Variants in ROBO2 observed in about 807,000 individuals in gnomAD.
ROBO2 encodes the protein roundabout guidance receptor 2.
In ROBO2, 53 loss-of-function variants were observed where a neutral mutation model predicts 160.8. That is an observed-to-expected ratio of 0.33 (90% confidence interval 0.26 to 0.41). The LOEUF (loss-of-function observed/expected upper bound fraction) is 0.41, where lower values mean the gene tolerates loss of function less well. Ranked by LOEUF, ROBO2 falls within the 10% of genes least tolerant of loss-of-function variation. The probability of loss-of-function intolerance (pLI) is 1.00; values close to 1 mark genes in which losing one functional copy is unlikely to be tolerated. For synonymous variants in ROBO2, 664 were observed against 611.7 expected (o/e 1.09, Z -1.26); for missense variants, 1,577 against 1,722.4 (o/e 0.92, Z 1.49).
At chr3:76,484,136 A>T (rs2079362786) in intron 2 of ROBO2, among the ~76,000 whole-genome samples, 1 of 152,144 alleles carries the variant, frequency 6.6e-6, no homozygotes, top group Non-Finnish European at 1.5e-5. Context: ...TTGAGGAATC[A>T]CCATTCTGCT....
intron 2 of ROBO2, among the ~76,000 whole-genome samples, chr3:76,537,147 T>C (rs1251136749): frequency 6.6e-6 from 1 of 151,336 alleles, no homozygotes; most frequent in African/African-American, 2.4e-5. Context: ...GACTCTGAGG[T>C]TGGGGTAGAG....
Position 77,059,798 on chromosome 3 carries a change from G to A in ROBO2, c.61+18952G>A, listed in dbSNP as rs192304402. Among the ~76,000 whole-genome samples the A allele has an allele frequency of 1.7e-3, 252 of 152,138 alleles. 1 individual carries two copies. The highest frequency in any genetic ancestry group is 3.4e-3 in the Middle Eastern group (1 of 294). On this transcript the variant is annotated intron_variant, in intron 1 of 25. Transcript: ENST00000461745. ...CTTTATCTCAGTGTAAAACTCATAC[G>A]TCATGACATCAGGCTCATTGAAGAA... is the stretch of plus-strand genomic sequence containing the variant.
At chr3:76,864,252 C>G (rs2148635807) in intron 2 of ROBO2, among the ~76,000 whole-genome samples, 1 of 152,126 alleles carries the variant, frequency 6.6e-6, no homozygotes, top group South Asian at 2.1e-4. Context: ...ATTGTTTTTA[C>G]ACAATTAAGA....
intron 2 of ROBO2, among the ~76,000 whole-genome samples, chr3:76,744,070 A>C (rs2093845501): frequency 6.6e-6 from 1 of 152,196 alleles, no homozygotes; most frequent in Non-Finnish European, 1.5e-5. Flanking sequence ...CAACATCAGC[A>C]GATTAGGGAG....
At chr3:76,321,171 AG>A (rs2107883614) in intron 2 of ROBO2, among the ~76,000 whole-genome samples, 1 of 152,304 alleles carries the variant, frequency 6.6e-6, no homozygotes, top group Non-Finnish European at 1.5e-5. Flanking sequence ...GCAATATAAA[AG>A]GAAAATATAT....
intron 1 of ROBO2, 32 bp downstream of exon 1, chr3:77,040,878 G>T: frequency 6.2e-7 from 1 of 1,610,880 alleles, no homozygotes; most frequent in Non-Finnish European, 8.5e-7. Flanking sequence ...CTTTTTTTGC[G>T]CCCCCCACCC....
At chr3:77,549,898 A>G (rs1177230575) in intron 7 of ROBO2, among the ~76,000 whole-genome samples, 1 of 151,984 alleles carries the variant, frequency 6.6e-6, no homozygotes, top group Non-Finnish European at 1.5e-5. Flanking sequence ...GAGGGTTAAA[A>G]TGTCCTTTTT....
chr3:76,673,833 T>C (rs1047320916), intron 2 of ROBO2, among the ~76,000 whole-genome samples: 2 of 152,164 alleles, frequency 1.3e-5, no homozygotes, highest in African/African-American at 4.8e-5. Context: ...TTCCTTTGGT[T>C]TAACTTAATT....
At chr3:76,116,966 C>A (rs1339859771) in intron 2 of ROBO2, among the ~76,000 whole-genome samples, 1 of 152,076 alleles carries the variant, frequency 6.6e-6, no homozygotes, top group East Asian at 1.9e-4. Context: ...TCCCAGTATT[C>A]AAAAAACTGA....
intron 2 of ROBO2, among the ~76,000 whole-genome samples, chr3:77,132,198 T>C (rs1296095443): frequency 6.6e-6 from 1 of 152,114 alleles, no homozygotes; most frequent in Admixed American, 6.5e-5. Flanking sequence ...AACACTCTTG[T>C]ATTGAATGAT....
intron 2 of ROBO2, among the ~76,000 whole-genome samples, chr3:76,216,672 G>C (rs1703555637): frequency 6.6e-6 from 1 of 152,088 alleles, no homozygotes; most frequent in East Asian, 1.9e-4. Flanking sequence ...AGTCCTTAGA[G>C]ACCTACAAAG....
intron 2 of ROBO2, among the ~76,000 whole-genome samples, chr3:77,276,004 G>T (rs17015121): frequency 0.051 from 7,791 of 152,146 alleles, 225 homozygotes; most frequent in Admixed American, 0.082. Context: ...ATGAAAGTAT[G>T]CTATGAGTTT....
chr3:77,429,715 A>G (rs2078582008), intron 2 of ROBO2, among the ~76,000 whole-genome samples: 1 of 151,400 alleles, frequency 6.6e-6, no homozygotes. Context: ...CACGGTTGTG[A>G]TCTTCCCTGT....
chr3:76,813,162 C>T (rs184894853), intron 2 of ROBO2, among the ~76,000 whole-genome samples: 74 of 152,020 alleles, frequency 4.9e-4, no homozygotes, highest in African/African-American at 1.6e-3. Flanking sequence ...GCCTGCAGCA[C>T]CTCTCTCCAA....
At chr3:76,973,616 C>T (rs1013428774) in intron 2 of ROBO2, among the ~76,000 whole-genome samples, 3 of 152,194 alleles carry the variant, frequency 2.0e-5, no homozygotes, top group African/African-American at 7.2e-5. Flanking sequence ...TTCAGCATGT[C>T]ACAGATAATT....
chr3:77,039,788 C>G (rs1039197891), upstream of ROBO2: 2 of 152,474 alleles, frequency 1.3e-5, no homozygotes, highest in African/African-American at 4.8e-5. Flanking sequence ...CTCCCCTCCC[C>G]TCCCGCCTCC....
chr3:76,905,285 C>T (rs897194642), intron 2 of ROBO2, among the ~76,000 whole-genome samples: 6 of 151,908 alleles, frequency 3.9e-5, no homozygotes, highest in East Asian at 1.9e-4. Flanking sequence ...GCGTTATAAT[C>T]GGGATGAAAT....
intron 2 of ROBO2, among the ~76,000 whole-genome samples, chr3:76,207,016 A>G (rs1210565894): frequency 6.6e-6 from 1 of 152,186 alleles, no homozygotes; most frequent in East Asian, 1.9e-4. Context: ...TAACCACTAG[A>G]ACCATTAATA....
chr3:76,591,273 A>T (rs1469002882), intron 2 of ROBO2, among the ~76,000 whole-genome samples: 1 of 152,162 alleles, frequency 6.6e-6, no homozygotes, highest in Non-Finnish European at 1.5e-5. Flanking sequence ...GGGGAAGCGG[A>T]TCCTCATAAA....
Sources: gnomAD v4.1 joint callset for allele counts (sites outside exome capture counted in the v4.1 genomes callset) on GRCh38, gnomAD v4.1.1 for gene constraint, MANE v1.5 for transcripts, NCBI Gene and HGNC (gene_info 2026-07-23, HGNC 2026-07-21) for gene names.